DSCAM: variants seen among roughly 807,000 people sequenced by gnomAD.
The protein encoded by DSCAM is cell adhesion molecule DSCAM.
DSCAM carries 47 observed loss-of-function variants against 217.7 expected under a neutral mutation model. The ratio of observed to expected loss-of-function variants is 0.22; its 90% CI spans 0.17 to 0.28. DSCAM has a LOEUF of 0.28. Among genes scored for constraint, DSCAM ranks in the 10% least tolerant of loss-of-function variants. DSCAM has a pLI of 1.00. For missense variants in DSCAM, 2,080 were observed against 2,618.3 expected, an observed-to-expected ratio of 0.79 and a Z score of 4.49; for synonymous variants, 1,056 against 1,015.3, an observed-to-expected ratio of 1.04 and a Z score of -0.76.
chr21:40,464,989 T>C (rs1404999610), intron 3 of DSCAM, among the ~76,000 whole-genome samples: 1 of 152,146 alleles, frequency 6.6e-6, no homozygotes, highest in African/African-American at 2.4e-5. Flanking sequence ...TCCGCCTGCC[T>C]TGGCCTCCCG....
intron 1 of DSCAM, among the ~76,000 whole-genome samples, chr21:40,745,112 G>A (rs943656813): frequency 6.6e-6 from 1 of 151,842 alleles, no homozygotes; most frequent in Admixed American, 6.6e-5. Context: ...CCAATCAGAG[G>A]AGAAAAATCT....
chr21:40,090,350 T>C (rs1264803720), intron 21 of DSCAM, among the ~76,000 whole-genome samples: 2 of 151,974 alleles, frequency 1.3e-5, no homozygotes, highest in African/African-American at 4.8e-5. Flanking sequence ...TTCTTCCAGG[T>C]GATGTGTGTT....
At chr21:40,747,299 A>AC (rs35384291) in intron 1 of DSCAM, among the ~76,000 whole-genome samples, 4 of 149,480 alleles carry the variant, frequency 2.7e-5, no homozygotes, top group Admixed American at 2.0e-4. Context: ...TAAAAAAAAA[A>AC]CAACAAACCT....
chr21:40,211,587 T>C (rs1414855995), intron 11 of DSCAM, among the ~76,000 whole-genome samples: 1 of 152,208 alleles, frequency 6.6e-6, no homozygotes, highest in East Asian at 1.9e-4. Flanking sequence ...TTCTCATAAA[T>C]GTGTAGCCAG....
intron 2 of DSCAM, among the ~76,000 whole-genome samples, chr21:40,698,124 T>C (rs1467420341): frequency 6.6e-6 from 1 of 152,188 alleles, no homozygotes; most frequent in Non-Finnish European, 1.5e-5. Context: ...TGAAATCAAC[T>C]TTACTTTGAT....
At position 40,747,814 on chromosome 21, in the gene DSCAM, A is replaced by T. The variant is rs150875158; in HGVS notation, c.44-39043T>A. On this transcript the variant is annotated intron_variant, in intron 1 of 32. Transcript: ENST00000400454. ...ATTCCTGATGAATACAGATGCAAAA[A>T]ATCCTCAAGAAAATAGTACCAAACT... is the stretch of plus-strand genomic sequence containing the variant. 2.9e-3 allele frequency among the ~76,000 whole-genome samples: 441 copies of T among 152,098 alleles called. 1 individual carries two copies. The highest frequency in any genetic ancestry group is 0.01 in the African/African-American group (423 of 41,560).
chr21:40,821,391 G>A lies in DSCAM; in HGVS notation c.43+25228C>T, dbSNP rs535158411. 2.1e-4 allele frequency among the ~76,000 whole-genome samples: 30 copies of A among 143,504 alleles called. No individual in the cohort carries two copies. The South Asian group carries it at 3.3e-3, about 16-fold the overall frequency. 94.1% of individuals were successfully genotyped at this position (143,504 alleles called of 152,430 possible). A position where few individuals can be genotyped will look rare whatever the true frequency, so the allele number is the denominator to read the frequency against. ...TGCATGCACACACACAGACACACGC[G>A]CGCACACACACACACACACACACAC... On this transcript the variant is annotated intron_variant, in intron 1 of 32. Transcript: ENST00000400454.
intron 16 of DSCAM, among the ~76,000 whole-genome samples, chr21:40,151,383 A>G (rs1601387699): frequency 1.3e-5 from 2 of 151,452 alleles, no homozygotes; most frequent in Non-Finnish European, 2.9e-5. Flanking sequence ...GATCACTTCT[A>G]CCTCCTCTAG....
At chr21:40,731,748 G>T (rs966893142) in intron 1 of DSCAM, among the ~76,000 whole-genome samples, 4 of 47,680 alleles carry the variant, frequency 8.4e-5, no homozygotes, top group African/African-American at 3.2e-4. Context: ...CCGCCCCCCG[G>T]GTGAGAGTCT....
intron 4 of DSCAM, among the ~76,000 whole-genome samples, chr21:40,355,440 G>T (rs1381854615): frequency 6.6e-6 from 1 of 152,182 alleles, no homozygotes; most frequent in Non-Finnish European, 1.5e-5. Flanking sequence ...CAAGAACTGG[G>T]TCTGTGGAAA....
chr21:40,143,187 C>A (rs1433743140), intron 17 of DSCAM, among the ~76,000 whole-genome samples: 1 of 152,238 alleles, frequency 6.6e-6, no homozygotes, highest in African/African-American at 2.4e-5. Flanking sequence ...TCATAGATTT[C>A]TCCTGTCTCA....
intron 18 of DSCAM, among the ~76,000 whole-genome samples, chr21:40,140,105 G>A (rs568437865): frequency 1.3e-5 from 2 of 152,138 alleles, no homozygotes; most frequent in South Asian, 4.1e-4. Context: ...CTGCAGTCTG[G>A]GGAGTTTGTG....
At chr21:40,345,280 G>A (rs2074545508) in intron 6 of DSCAM, among the ~76,000 whole-genome samples, 1 of 152,150 alleles carries the variant, frequency 6.6e-6, no homozygotes, top group Non-Finnish European at 1.5e-5. Flanking sequence ...TTTGGGTGCA[G>A]AGTCCTGTTT....
chr21:40,070,901 A>T (rs1340806216), intron 27 of DSCAM, among the ~76,000 whole-genome samples: 2 of 152,240 alleles, frequency 1.3e-5, no homozygotes, highest in African/African-American at 4.8e-5. Flanking sequence ...ATTTCAAAGC[A>T]TGTTTAAAAT....
chr21:40,037,962 A>G (rs1354331111), intron 32 of DSCAM, among the ~76,000 whole-genome samples: 1 of 146,318 alleles, frequency 6.8e-6, no homozygotes, highest in African/African-American at 2.5e-5. Flanking sequence ...CTGGCTAGCC[A>G]TATGTAGAAA....
chr21:40,083,452 C>T (rs546820232), intron 24 of DSCAM, among the ~76,000 whole-genome samples: 1 of 152,280 alleles, frequency 6.6e-6, no homozygotes, highest in East Asian at 1.9e-4. Flanking sequence ...AAAACAAAAT[C>T]TTGTTTATAC....
At chr21:40,796,861 C>T (rs1053780704) in intron 1 of DSCAM, among the ~76,000 whole-genome samples, 1 of 152,158 alleles carries the variant, frequency 6.6e-6, no homozygotes, top group African/African-American at 2.4e-5. Context: ...AAAAAGCATC[C>T]ACTTCCAATT....
chr21:40,100,332 T>C (rs896124974), intron 20 of DSCAM, among the ~76,000 whole-genome samples: 13 of 152,188 alleles, frequency 8.5e-5, no homozygotes, highest in African/African-American at 3.1e-4. Context: ...CAGCCAAAAA[T>C]GCTTGTTCTG....
intron 3 of DSCAM, among the ~76,000 whole-genome samples, chr21:40,636,709 GAA>G (rs35170605): frequency 1.4e-5 from 2 of 139,820 alleles, no homozygotes; most frequent in African/African-American, 2.6e-5. Context: ...AACTTGCTAG[GAA>G]AAAAAAAATG....
Sources: allele counts gnomAD v4.1 joint callset (sites outside exome capture counted in the v4.1 genomes callset), GRCh38; gene constraint gnomAD v4.1.1; transcripts MANE v1.5; gene names NCBI Gene and HGNC (gene_info 2026-07-23, HGNC 2026-07-21).